Variants in HIVEP3 observed in about 807,000 individuals in gnomAD.
The protein encoded by HIVEP3 is HIVEP zinc finger 3.
Under a neutral mutation model 152.8 loss-of-function variants are expected in HIVEP3, and 49 were observed. The observed-to-expected ratio is 0.32, with a 90% CI of 0.26 to 0.41. The LOEUF is 0.41. HIVEP3 is among the 10% of genes least tolerant of loss of function. The pLI is 1.00. For missense variants in HIVEP3, 2,790 were observed against 3,103.3 expected, an observed-to-expected ratio of 0.90 and a Z score of 2.40; for synonymous variants, 1,269 against 1,289.0, an observed-to-expected ratio of 0.98 and a Z score of 0.33.
intron 1 of HIVEP3, among the ~76,000 whole-genome samples, chr1:42,024,794 A>G (rs1438263771): frequency 6.6e-6 from 1 of 152,214 alleles, no homozygotes; most frequent in Admixed American, 6.5e-5. Context: ...CAAAGTCACT[A>G]AAGTGGTGGC....
chr1:41,824,784 T>TATATAGAGAG (rs1553266584), intron 1 of HIVEP3, among the ~76,000 whole-genome samples: 32 of 11,360 alleles, frequency 2.8e-3, no homozygotes, highest in Admixed American at 4.7e-3. Context: ...TATATATATA[T>TATATAGAGAG]AGAGAGAGAG....
At chr1:41,529,182 TCA>T (rs1643146381) in intron 5 of HIVEP3, among the ~76,000 whole-genome samples, 1 of 56,280 alleles carries the variant, frequency 1.8e-5, no homozygotes, top group South Asian at 7.0e-4. Context: ...CACCCCACCC[TCA>T]CACTCACATG....
At chr1:41,989,809 T>C (rs1279527900) in intron 1 of HIVEP3, among the ~76,000 whole-genome samples, 1 of 150,604 alleles carries the variant, frequency 6.6e-6, no homozygotes, top group Non-Finnish European at 1.5e-5. Context: ...TTTGAGCCTA[T>C]GTGTGTCTCT....
chr1:41,808,624 C>T (rs1283235425), intron 1 of HIVEP3, among the ~76,000 whole-genome samples: 3 of 152,218 alleles, frequency 2.0e-5, no homozygotes, highest in Non-Finnish European at 4.4e-5. Context: ...AGCACAAGAG[C>T]TGGTTTCCCA....
At position 41,584,469 on chromosome 1, in the gene HIVEP3, G is replaced by C. The variant is rs1644472361; in HGVS notation, c.329C>G (p.Pro110Arg). ...TGTGGACCCCTCCAGGAGATGCTCA[G>C]GTTTGCCAGGCGACATGAATGCTGG... ...LTPAFMSPGKPEHLLEGSTWQ... is the reference protein window; with the variant it reads ...LTPAFMSPGKREHLLEGSTWQ... Residue 110 changes from proline to arginine, a missense_variant, in exon 4 of 9, where the codon CCT becomes CGT. Pro to Arg is a moderately radical substitution (Grantham distance 103). Coordinates refer to ENST00000372583, the MANE Select transcript of HIVEP3 (RefSeq NM_024503.5). This position sits in a 1 kb window ranked among gnomAD's most constrained non-coding sequence, Gnocchi z 5.2. 3 of 1,614,066 alleles carry C rather than the reference G, an allele frequency of 1.9e-6. No homozygotes were observed. Among genetic ancestry groups the C allele is most frequent in the African/African-American group, 2.7e-5 (2 of 74,920 alleles).
intron 2 of HIVEP3, among the ~76,000 whole-genome samples, chr1:41,666,370 T>C (rs2124059569): frequency 6.6e-6 from 1 of 152,324 alleles, no homozygotes; most frequent in South Asian, 2.1e-4. Flanking sequence ...GCATGGGCCT[T>C]GGAGCCACAT....
Position 41,580,329 on chromosome 1 carries a change from C to T in HIVEP3, c.4469G>A (p.Gly1490Asp), listed in dbSNP as rs766385465. Residue 1490 changes from glycine (G) to aspartate (D), a missense_variant, in exon 4 of 9, where the codon GGC becomes GAC. Coordinates refer to ENST00000372583, the MANE Select transcript of HIVEP3 (RefSeq NM_024503.5). Reference sequence around the variant, plus strand: ...CATTTCTAGCTCCCTCCTGCCTTGGCCCTGGTTGCCTAAGTGGGATTTCTC... The same window carrying T: ...CATTTCTAGCTCCCTCCTGCCTTGGTCCTGGTTGCCTAAGTGGGATTTCTC... ...RPEKSHLGNQ[G>D]QGRRELEMLS... 1.6e-5 allele frequency: 26 copies of T among 1,614,024 alleles called. 1 individual carries two copies. The South Asian group carries it at 2.7e-4, about 17-fold the overall frequency.
chr1:41,699,326 T>C (rs1312017099), intron 2 of HIVEP3, among the ~76,000 whole-genome samples: 1 of 152,214 alleles, frequency 6.6e-6, no homozygotes, highest in Admixed American at 6.5e-5. Flanking sequence ...AGGCTCTCTT[T>C]GGCCCCAGAA....
intron 5 of HIVEP3, among the ~76,000 whole-genome samples, chr1:41,554,631 T>G (rs1407879500): frequency 1.3e-5 from 2 of 152,262 alleles, no homozygotes; most frequent in East Asian, 1.9e-4. Context: ...TTGTTTTATC[T>G]ACCTTTGGTC....
At chr1:41,622,701 C>A (rs1304520498) in intron 3 of HIVEP3, among the ~76,000 whole-genome samples, 1 of 152,170 alleles carries the variant, frequency 6.6e-6, no homozygotes, top group Non-Finnish European at 1.5e-5. Flanking sequence ...TTTTAAGCAG[C>A]AGATAGCAGG....
chr1:41,996,911 G>A (rs1645398917), intron 1 of HIVEP3, among the ~76,000 whole-genome samples: 1 of 152,096 alleles, frequency 6.6e-6, no homozygotes, highest in Admixed American at 6.5e-5. Context: ...TTTGAAGGCA[G>A]CAGCATAGCA....
chr1:41,575,449 C>A, intron 5 of HIVEP3, 95 bp downstream of exon 5: 3 of 1,353,196 alleles, frequency 2.2e-6, no homozygotes, highest in South Asian at 1.3e-5. Flanking sequence ...GTGGGCAGAG[C>A]CCTTGCCAAC....
At chr1:41,899,806 A>T (rs1398933296) in intron 1 of HIVEP3, among the ~76,000 whole-genome samples, 1 of 152,176 alleles carries the variant, frequency 6.6e-6, no homozygotes, top group Non-Finnish European at 1.5e-5. Flanking sequence ...CCCCCAGCTT[A>T]TAAGATAGGA....
At position 41,915,419 on chromosome 1, in the gene HIVEP3, A is replaced by G. The variant is rs57844097; in HGVS notation, c.-801+2994T>C. On this transcript the variant is annotated intron_variant, in intron 1 of 8. Transcript: ENST00000372583. Reference sequence around the variant, plus strand: ...TACTCTTACTTCTTACTGATACTTGATAAAAGAGCTTTAATAATCCTTGCA... The same window carrying G: ...TACTCTTACTTCTTACTGATACTTGGTAAAAGAGCTTTAATAATCCTTGCA... 9.5e-3 allele frequency among the ~76,000 whole-genome samples: 1,444 copies of G among 152,172 alleles called. 22 individuals are homozygous for G. The highest frequency in any genetic ancestry group is 0.033 in the African/African-American group (1,380 of 41,514).
At chr1:41,788,327 G>A (rs1649489719) in intron 1 of HIVEP3, among the ~76,000 whole-genome samples, 1 of 152,360 alleles carries the variant, frequency 6.6e-6, no homozygotes. Context: ...AGACCGCTTA[G>A]AGGACTCCTC....
intron 3 of HIVEP3, among the ~76,000 whole-genome samples, chr1:41,609,435 A>T (rs2149131411): frequency 6.6e-6 from 1 of 152,372 alleles, no homozygotes; most frequent in Non-Finnish European, 1.5e-5. Flanking sequence ...GCCTCCGTGT[A>T]GGCACCTGGC....
intron 5 of HIVEP3, chr1:41,542,403 C>T (rs1172346490): frequency 1.3e-5 from 2 of 154,830 alleles, no homozygotes; most frequent in Non-Finnish European, 2.9e-5. Context: ...CCCAGGACCC[C>T]CCCGCTGGAG....
intron 4 of HIVEP3, among the ~76,000 whole-genome samples, chr1:41,578,032 G>A (rs1359977360): frequency 6.6e-6 from 1 of 152,182 alleles, no homozygotes; most frequent in African/African-American, 2.4e-5. Context: ...TAAATGGCCT[G>A]TAACATTTTC....
chr1:41,791,639 C>T (rs1004273024), intron 1 of HIVEP3, among the ~76,000 whole-genome samples: 2 of 152,100 alleles, frequency 1.3e-5, no homozygotes, highest in African/African-American at 4.8e-5. Context: ...CTACCATATA[C>T]CAAGGCTAGA....
Sources: allele counts gnomAD v4.1 joint callset (sites outside exome capture counted in the v4.1 genomes callset), GRCh38; gene constraint gnomAD v4.1.1; non-coding constraint Gnocchi (gnomAD v3.1); transcripts MANE v1.5; gene names NCBI Gene and HGNC (gene_info 2026-07-23, HGNC 2026-07-21).